The following EXOC4 variants were observed in gnomAD, a reference collection of about 807,000 sequenced individuals.
EXOC4 encodes SEC8-like 1.
A neutral mutation model predicts 107.2 loss-of-function variants in EXOC4; 71 were observed. The observed-to-expected ratio is 0.66, with a 90% confidence interval of 0.55 to 0.81. EXOC4 has a LOEUF of 0.81. Ranked by LOEUF, EXOC4 falls within the 30% of genes least tolerant of loss-of-function variation. EXOC4 has a pLI of 0.00. For missense variants in EXOC4, 1,108 were observed against 1,189.6 expected (o/e 0.93, Z 1.01); for synonymous variants, 456 against 441.2 (o/e 1.03, Z -0.42).
chr7:133,728,512 T>C (rs1795262087), intron 10 of EXOC4, among the ~76,000 whole-genome samples: 1 of 152,312 alleles, frequency 6.6e-6, no homozygotes, highest in African/African-American at 2.4e-5. Flanking sequence ...TAGATTTAAG[T>C]TGGATTTTCT....
At chr7:133,846,218 G>A (rs1218540437) in intron 11 of EXOC4, among the ~76,000 whole-genome samples, 1 of 152,200 alleles carries the variant, frequency 6.6e-6, no homozygotes, top group African/African-American at 2.4e-5. Context: ...CCTGTCAGCT[G>A]CCTGCCTCAT....
chr7:133,520,283 T>TA (rs1159051626), intron 9 of EXOC4, among the ~76,000 whole-genome samples: 1 of 152,196 alleles, frequency 6.6e-6, no homozygotes, highest in African/African-American at 2.4e-5. Flanking sequence ...ATTTTATAGT[T>TA]ACTGTTTTTG....
chr7:133,797,853 AAG>A (rs1472185081), intron 10 of EXOC4, among the ~76,000 whole-genome samples: 1 of 152,238 alleles, frequency 6.6e-6, no homozygotes, highest in African/African-American at 2.4e-5. Flanking sequence ...TACAGCTATG[AAG>A]CCGTCTAAGA....
At chr7:133,594,283 A>C (rs146078546) in intron 9 of EXOC4, among the ~76,000 whole-genome samples, 219 of 152,230 alleles carry the variant, frequency 1.4e-3, no homozygotes, top group Non-Finnish European at 2.5e-3. Flanking sequence ...ATAATGAGAG[A>C]TAGAGTAAAA....
At chr7:133,585,609 G>C (rs1801384355) in intron 9 of EXOC4, among the ~76,000 whole-genome samples, 1 of 151,848 alleles carries the variant, frequency 6.6e-6, no homozygotes, top group Non-Finnish European at 1.5e-5. Context: ...CTAGGTGACA[G>C]AGTGAGACCC....
chr7:134,033,029 G>A (rs1363038758), intron 17 of EXOC4, among the ~76,000 whole-genome samples: 2 of 152,082 alleles, frequency 1.3e-5, no homozygotes, highest in African/African-American at 4.8e-5. Flanking sequence ...AAGAATAGGA[G>A]GATTTACCAA....
chr7:133,319,673 G>GT (rs1206480180), intron 5 of EXOC4, among the ~76,000 whole-genome samples: 1 of 151,852 alleles, frequency 6.6e-6, no homozygotes, highest in African/African-American at 2.4e-5. Context: ...TAGAAACAGG[G>GT]TTTCACTATG....
At chr7:133,880,628 A>G (rs979388262) in intron 11 of EXOC4, among the ~76,000 whole-genome samples, 2 of 152,204 alleles carry the variant, frequency 1.3e-5, no homozygotes, top group African/African-American at 4.8e-5. Flanking sequence ...CATATGGTCT[A>G]ATTAAGCACA....
intron 9 of EXOC4, among the ~76,000 whole-genome samples, chr7:133,579,431 C>A (rs1801201356): frequency 1.3e-5 from 2 of 152,054 alleles, no homozygotes; most frequent in Admixed American, 1.3e-4. Flanking sequence ...TGTTTTTAAG[C>A]ACTAGTATTT....
intron 9 of EXOC4, among the ~76,000 whole-genome samples, chr7:133,591,084 A>G (rs899415451): frequency 6.6e-6 from 1 of 152,190 alleles, no homozygotes; most frequent in Non-Finnish European, 1.5e-5. Flanking sequence ...GGGCTGAGTA[A>G]AGAAGCCACC....
intron 11 of EXOC4, among the ~76,000 whole-genome samples, chr7:133,867,568 A>T (rs1038627376): frequency 6.6e-6 from 1 of 152,212 alleles, no homozygotes; most frequent in African/African-American, 2.4e-5. Context: ...AGGGCAGAGA[A>T]GGAGAAAAAT....
At chr7:133,441,838 G>A (rs542723632) in intron 7 of EXOC4, among the ~76,000 whole-genome samples, 1 of 152,126 alleles carries the variant, frequency 6.6e-6, no homozygotes, top group African/African-American at 2.4e-5. Context: ...TGTGGGGGGT[G>A]TGTGTGTGTA....
intron 9 of EXOC4, among the ~76,000 whole-genome samples, chr7:133,608,252 T>G (rs1801994861): frequency 6.6e-6 from 1 of 152,186 alleles, no homozygotes; most frequent in Non-Finnish European, 1.5e-5. Context: ...AGGAGTAAAG[T>G]GAATATTTTC....
intron 10 of EXOC4, among the ~76,000 whole-genome samples, chr7:133,664,003 C>T (rs1223320513): frequency 2.6e-5 from 4 of 152,126 alleles, no homozygotes; most frequent in African/African-American, 9.7e-5. Context: ...GGATCACACC[C>T]CTCCAGCCAC....
At chr7:133,857,774 T>G (rs1339622721) in intron 11 of EXOC4, among the ~76,000 whole-genome samples, 1 of 151,980 alleles carries the variant, frequency 6.6e-6, no homozygotes, top group African/African-American at 2.4e-5. Flanking sequence ...ATCTGAAAAC[T>G]CGGAGATGCC....
intron 15 of EXOC4, among the ~76,000 whole-genome samples, chr7:133,998,953 A>C (rs992033429): frequency 2.6e-5 from 4 of 152,140 alleles, no homozygotes; most frequent in Admixed American, 6.5e-5. Flanking sequence ...TGGTGCAATA[A>C]GAGGAAAGAC....
chr7:133,298,512 C>T (rs1183220098), intron 3 of EXOC4, among the ~76,000 whole-genome samples: 1 of 152,056 alleles, frequency 6.6e-6, no homozygotes, highest in African/African-American at 2.4e-5. Context: ...TAGTAGAAAC[C>T]TAGGTTTTAA....
At chr7:133,712,059 T>C (rs1388580216) in intron 10 of EXOC4, among the ~76,000 whole-genome samples, 1 of 152,072 alleles carries the variant, frequency 6.6e-6, no homozygotes, top group African/African-American at 2.4e-5. Flanking sequence ...AAGACTGAAG[T>C]ACCACAGTAA....
At chr7:133,589,868 A>G (rs1261077321) in intron 9 of EXOC4, among the ~76,000 whole-genome samples, 2 of 152,196 alleles carry the variant, frequency 1.3e-5, no homozygotes, top group East Asian at 1.9e-4. Flanking sequence ...TCATCTTTAC[A>G]TAAAGAATCA....
Sources: gnomAD v4.1 joint callset for allele counts (sites outside exome capture counted in the v4.1 genomes callset) on GRCh38, gnomAD v4.1.1 for gene constraint, MANE v1.5 for transcripts, NCBI Gene and HGNC (gene_info 2026-07-23, HGNC 2026-07-21) for gene names.